Variants in RC3H2 observed in about 807,000 individuals in gnomAD.
RC3H2 encodes the protein ring finger and CCCH-type domains 2, also known as roquin-2.
In RC3H2, 31 loss-of-function variants were observed where a neutral mutation model predicts 133.3. The observed-to-expected ratio is 0.23, with a 90% CI of 0.17 to 0.31. The LOEUF (loss-of-function observed/expected upper bound fraction) is 0.31. Ranked by LOEUF, RC3H2 falls within the 10% of genes least tolerant of loss-of-function variation. RC3H2 has a pLI of 1.00. For synonymous variants in RC3H2, 517 were observed against 502.2 expected (o/e 1.03, Z -0.40); for missense variants, 1,175 against 1,437.2 (o/e 0.82, Z 2.95).
intron 4 of RC3H2, among the ~76,000 whole-genome samples, chr9:122,889,850 G>C (rs1443806242): frequency 2.0e-5 from 3 of 152,050 alleles, no homozygotes; most frequent in Admixed American, 2.0e-4. Context: ...AATAAAAACG[G>C]ATTTATATTG....
Position 122,880,808 on chromosome 9 carries a change from AAG to A in RC3H2, c.760-16_760-15del. Reference sequence around the variant, plus strand: ...TCTTTTGGTAACCTAAAAAATAGAAAAGAGAAAAATCAGAATTGGTCTGTGCT... The same window carrying A: ...TCTTTTGGTAACCTAAAAAATAGAAAAGAAAAATCAGAATTGGTCTGTGCT... On this transcript the variant is annotated splice_polypyrimidine_tract_variant and intron_variant, in intron 5 of 20. Transcript: ENST00000357244. 1 of 1,598,152 alleles carries A rather than the reference AAG, an allele frequency of 6.3e-7. No homozygotes were observed. The highest frequency in any genetic ancestry group is 8.6e-7 in the Non-Finnish European group (1 of 1,165,788).
At chr9:122,860,959 C>G (rs553340381) in intron 10 of RC3H2, among the ~76,000 whole-genome samples, 2 of 152,270 alleles carry the variant, frequency 1.3e-5, no homozygotes, top group African/African-American at 4.8e-5. Context: ...GCACCTAAAA[C>G]AGCTCCTGGA....
chr9:122,858,443 C>T (rs2131393230), intron 12 of RC3H2, among the ~76,000 whole-genome samples: 1 of 152,270 alleles, frequency 6.6e-6, no homozygotes, highest in East Asian at 1.9e-4. Context: ...GTATGAGGCC[C>T]AGTTCTAAGA....
intron 4 of RC3H2, among the ~76,000 whole-genome samples, chr9:122,884,987 G>A (rs1000898279): frequency 9.9e-5 from 15 of 152,144 alleles, no homozygotes; most frequent in Admixed American, 8.5e-4. Context: ...TGACTAAAAC[G>A]TATAGAAAGT....
chr9:122,900,642 T>C (rs1392095260), intron 1 of RC3H2, among the ~76,000 whole-genome samples: 4 of 152,194 alleles, frequency 2.6e-5, no homozygotes, highest in African/African-American at 4.8e-5. Context: ...ATACATTTTA[T>C]GCAACTTATT....
chr9:122,860,139 G>C lies in RC3H2; in HGVS notation c.1635-8C>G. On this transcript the variant is annotated splice_polypyrimidine_tract_variant and splice_region_variant and intron_variant, in intron 10 of 20. Transcript: ENST00000357244. Reference sequence around the variant, plus strand: ...GGTGGAGAACCAATTTTACTGGAGAGAAAATTTAACAAAGGGCAAAGGAGA... The same window carrying C: ...GGTGGAGAACCAATTTTACTGGAGACAAAATTTAACAAAGGGCAAAGGAGA... 1 of 1,606,100 alleles carries C rather than the reference G, an allele frequency of 6.2e-7. No individual in the cohort carries two copies. Among genetic ancestry groups the C allele is most frequent in the Non-Finnish European group, 8.5e-7 (1 of 1,172,806 alleles).
At chr9:122,882,808 C>T (rs149996105) in intron 5 of RC3H2, among the ~76,000 whole-genome samples, 2 of 152,146 alleles carry the variant, frequency 1.3e-5, no homozygotes, top group African/African-American at 4.8e-5. Flanking sequence ...TTAATCTAAT[C>T]ACTACAGAGA....
intron 9 of RC3H2, among the ~76,000 whole-genome samples, chr9:122,870,413 C>CA (rs1192325454): frequency 5.6e-4 from 21 of 37,832 alleles, no homozygotes; most frequent in African/African-American, 1.5e-3. Flanking sequence ...AACAAACAAA[C>CA]AAAAAAAAAA....
At chr9:122,887,297 C>T (rs2131477555) in intron 4 of RC3H2, among the ~76,000 whole-genome samples, 1 of 152,114 alleles carries the variant, frequency 6.6e-6, no homozygotes, top group South Asian at 2.1e-4. Context: ...TGTTTCAATC[C>T]TTTGGAGTCA....
chr9:122,854,739 C>G, intron 15 of RC3H2, 124 bp from the exon 16 acceptor site: 1 of 684,874 alleles, frequency 1.5e-6, no homozygotes, highest in Non-Finnish European at 2.6e-6. Context: ...GGTTAAACAC[C>G]TAATTCTGAG....
At position 122,880,537 on chromosome 9, in the gene RC3H2, T is replaced by C. The variant is rs927030563; in HGVS notation, c.960+57A>G. ...TGTGTATAGACTCTTTAGAATATTCTAATACTCTTCAATGTAACAGCAATG... is the reference window on the plus strand; with the variant it reads ...TGTGTATAGACTCTTTAGAATATTCCAATACTCTTCAATGTAACAGCAATG... On this transcript the variant is annotated intron_variant, in intron 6 of 20. Transcript: ENST00000357244. 7 of 1,332,854 alleles carry C rather than the reference T, an allele frequency of 5.3e-6. No homozygotes were observed. In the South Asian group the frequency reaches 7.1e-5, roughly 14 times the overall value. The allele number at this position is 1,332,854 out of a possible 1,614,324, so 82.6% of individuals were successfully genotyped here. A position where few individuals can be genotyped will look rare whatever the true frequency, so the allele number is the denominator to read the frequency against.
chr9:122,897,188 A>G, intron 2 of RC3H2, 91 bp downstream of exon 2: 2 of 1,107,658 alleles, frequency 1.8e-6, no homozygotes, highest in Non-Finnish European at 2.6e-6. Context: ...CCTGGGCCAC[A>G]TGTAGCCTGC....
At position 122,845,443 on chromosome 9, in the gene RC3H2, G is replaced by C. The variant is rs2131371883; in HGVS notation, c.*4184C>G. The C allele has an allele frequency of 6.6e-6, 1 of 152,266 alleles. No homozygotes were observed. The highest frequency in any genetic ancestry group is 2.4e-5 in the African/African-American group (1 of 41,542). The allele number at this position is 152,266 out of a possible 1,614,324, so 9.4% of individuals were successfully genotyped here. A position where few individuals can be genotyped will look rare whatever the true frequency, so the allele number is the denominator to read the frequency against. On this transcript the variant is annotated 3_prime_UTR_variant, in exon 21 of 21. Transcript: ENST00000357244. Reference sequence around the variant, plus strand: ...ATAAAGTGAGGCCTAATTCTCGACAGGTTGATGGAATATGTGCAAATGACC... The same window carrying C: ...ATAAAGTGAGGCCTAATTCTCGACACGTTGATGGAATATGTGCAAATGACC...
At position 122,862,593 on chromosome 9, in the gene RC3H2, A is replaced by T. The variant is rs78635967; in HGVS notation, c.1635-2462T>A. Reference sequence around the variant, plus strand: ...TGTGTTCCAATAAAAATTTAGATTTATTTTTTAAAAGTCTTTACCAGCTGG... The same window carrying T: ...TGTGTTCCAATAAAAATTTAGATTTTTTTTTTAAAAGTCTTTACCAGCTGG... On this transcript the variant is annotated intron_variant, in intron 10 of 20. Coordinates refer to ENST00000357244, the MANE Select transcript of RC3H2 (RefSeq NM_001100588.3). 1.0e-3 allele frequency among the ~76,000 whole-genome samples: 157 copies of T among 152,184 alleles called. 1 individual carries two copies. The highest frequency in any genetic ancestry group is 0.01 in the Middle Eastern group (3 of 294).
In RC3H2 at chr9:122,880,003, G is replaced by T; in HGVS notation, c.1083C>A (p.Asp361Glu). ...CATATTCCCACATACCTGGATTAGGGTCTATGTTTGCAAGAAGCTCTAAAT... is the reference window on the plus strand; with the variant it reads ...CATATTCCCACATACCTGGATTAGGTTCTATGTTTGCAAGAAGCTCTAAAT... ...RPHLELLANI[D>E]PNPDAVSPTW... The change falls in exon 7 of 21, where the codon GAC (aspartate) becomes GAA (glutamate). Residue 361 changes from aspartate to glutamate, a missense_variant. This residue lies in a region of RC3H2 where 131 missense variants were observed against 154.2 expected (regional missense o/e 0.85). Coordinates refer to ENST00000357244, the MANE Select transcript of RC3H2 (RefSeq NM_001100588.3). 2 of 1,614,114 alleles carry T rather than the reference G, an allele frequency of 1.2e-6. No individual in the cohort carries two copies. Among genetic ancestry groups the T allele is most frequent in the Middle Eastern group, 1.6e-4 (1 of 6,062 alleles).
intron 4 of RC3H2, among the ~76,000 whole-genome samples, chr9:122,884,540 T>A (rs1831810944): frequency 6.6e-6 from 1 of 152,022 alleles, no homozygotes; most frequent in African/African-American, 2.4e-5. Flanking sequence ...TTGGAGAACA[T>A]CAGACAAACC....
chr9:122,857,964 T>C lies in RC3H2; in HGVS notation c.2413A>G (p.Thr805Ala), dbSNP rs779238211. The C allele has an allele frequency of 5.6e-6, 9 of 1,614,036 alleles. No individual in the cohort carries two copies. Among genetic ancestry groups the C allele is most frequent in the Admixed American group, 1.7e-5 (1 of 60,008 alleles). The change falls in exon 13 of 21, where the codon ACA (threonine) becomes GCA (alanine). Residue 805 changes from threonine to alanine, a missense_variant. Physicochemically the swap from Thr to Ala is moderately conservative, Grantham distance 58. This residue lies in a region of RC3H2 where 490 missense variants were observed against 492.8 expected (regional missense o/e 0.99). Coordinates refer to ENST00000357244, the MANE Select transcript of RC3H2 (RefSeq NM_001100588.3). ...ACACTGAACAGAGGAGAAGGTGGTG[T>C]TGGTGACTGTGTTGCCACAGGAAGA... ...STLPVATQSP[T>A]PPSPLFSVDF...
rs368821339 is a variant in RC3H2 at position 122,854,228 on chromosome 9, T to C, written c.2939A>G (p.Lys980Arg). ...FIVTDLSGHRKHSSTGDLLSL... is the reference protein window; with the variant it reads ...FIVTDLSGHRRHSSTGDLLSL... ...CAAAAGGTCCCCAGTACTGGAATGC[T>C]TTCTATGACCAGATAAATCAGTAAC... The change falls in exon 17 of 21, where the codon AAG becomes AGG. Residue 980 changes from lysine to arginine, a missense_variant. This residue lies in a region of RC3H2 where 138 missense variants were observed against 215.0 expected (regional missense o/e 0.64). Coordinates refer to ENST00000357244, the MANE Select transcript of RC3H2 (RefSeq NM_001100588.3). 7.4e-6 allele frequency: 12 copies of C among 1,613,804 alleles called. No homozygotes were observed. The highest frequency in any genetic ancestry group is 1.0e-5 in the Non-Finnish European group (12 of 1,179,942).
At chr9:122,861,093 C>T (rs182581875) in intron 10 of RC3H2, among the ~76,000 whole-genome samples, 47 of 152,240 alleles carry the variant, frequency 3.1e-4, no homozygotes, top group Non-Finnish European at 5.9e-4. Flanking sequence ...GCAAAACACA[C>T]CAACCTTTTA....
Sources: allele counts gnomAD v4.1 joint callset (sites outside exome capture counted in the v4.1 genomes callset), GRCh38; gene constraint gnomAD v4.1.1; regional missense constraint gnomAD v4.1.1; transcripts MANE v1.5; gene names NCBI Gene and HGNC (gene_info 2026-07-23, HGNC 2026-07-21).